Variants in RSPO3 observed in about 807,000 individuals in gnomAD.
The protein encoded by RSPO3 is R-spondin-3.
RSPO3 carries 17 observed loss-of-function variants against 36.5 expected under a neutral mutation model. The observed-to-expected ratio is 0.47, with a 90% CI of 0.32 to 0.70. The LOEUF is 0.70. Among genes scored for constraint, RSPO3 ranks in the 30% least tolerant of loss-of-function variants. The pLI, the probability that RSPO3 is intolerant of heterozygous loss-of-function variation, is 0.04. For synonymous variants in RSPO3, 108 were observed against 107.0 expected (o/e 1.01, Z -0.06); for missense variants, 294 against 322.5 (o/e 0.91, Z 0.68).
intron 4 of RSPO3, among the ~76,000 whole-genome samples, chr6:127,182,109 C>A (rs1490121633): frequency 1.3e-5 from 2 of 151,648 alleles, no homozygotes; most frequent in Non-Finnish European, 2.9e-5. Context: ...AGGTGCCAGG[C>A]TCTTTTTAAC....
intron 1 of RSPO3, 71 bp downstream of exon 1, chr6:127,119,360 G>C (rs1039302243): frequency 1.1e-5 from 12 of 1,134,828 alleles, no homozygotes; most frequent in African/African-American, 3.1e-5. Context: ...TTGCCTGTCC[G>C]GAGCCGGCTC....
intron 4 of RSPO3, among the ~76,000 whole-genome samples, chr6:127,166,813 T>G (rs1774830227): frequency 6.6e-6 from 1 of 152,138 alleles, no homozygotes; most frequent in African/African-American, 2.4e-5. Flanking sequence ...ATGTTATTAG[T>G]CCTTTAAACT....
At chr6:127,136,900 A>G (rs1774169560) in intron 1 of RSPO3, among the ~76,000 whole-genome samples, 1 of 152,166 alleles carries the variant, frequency 6.6e-6, no homozygotes, top group Admixed American at 6.6e-5. Flanking sequence ...GAACTGGCAG[A>G]TCTTTAACGT....
chr6:127,196,114 T>C lies in RSPO3; in HGVS notation c.*107T>C. On this transcript the variant is annotated 3_prime_UTR_variant, in exon 5 of 5. Coordinates refer to ENST00000356698, the MANE Select transcript of RSPO3 (RefSeq NM_032784.5). ...CACAAATGGACATGTCAGTTATTGC[T>C]CTGTCTAAACAACATTCCCAGTAGT... The C allele has an allele frequency of 1.1e-6, 1 of 934,914 alleles. No homozygotes were observed. The highest frequency in any genetic ancestry group is 1.5e-6 in the Non-Finnish European group (1 of 647,962). 57.9% of individuals were successfully genotyped at this position (934,914 alleles called of 1,614,324 possible).
At chr6:127,139,549 T>C (rs1774227652) in intron 1 of RSPO3, among the ~76,000 whole-genome samples, 2 of 151,300 alleles carry the variant, frequency 1.3e-5, no homozygotes, top group Non-Finnish European at 2.9e-5. Context: ...ATATATCTTT[T>C]TTTTAAGGTT....
At chr6:127,167,879 T>TGC (rs1774853768) in intron 4 of RSPO3, among the ~76,000 whole-genome samples, 2 of 151,998 alleles carry the variant, frequency 1.3e-5, no homozygotes, top group Admixed American at 6.6e-5. Flanking sequence ...TTTGTCCTCA[T>TGC]GATAGTTTGC....
chr6:127,179,113 A>G (rs1210143797), intron 4 of RSPO3, among the ~76,000 whole-genome samples: 1 of 151,892 alleles, frequency 6.6e-6, no homozygotes, highest in African/African-American at 2.4e-5. Context: ...TTGTTCACAA[A>G]TTGACAGAAA....
intron 4 of RSPO3, 79 bp downstream of exon 4, chr6:127,155,517 C>T (rs1292006630): frequency 2.3e-6 from 3 of 1,318,976 alleles, no homozygotes; most frequent in African/African-American, 2.9e-5. Context: ...TTATGAAACA[C>T]TTGGCATTAT....
chr6:127,118,721 G>A lies in RSPO3; in HGVS notation c.-472G>A. 1 of 152,336 alleles carries A rather than the reference G, an allele frequency of 6.6e-6. No individual in the cohort carries two copies. The highest frequency in any genetic ancestry group is 1.5e-5 in the Non-Finnish European group (1 of 68,302). The allele number at this position is 152,336 out of a possible 1,614,324, so 9.4% of individuals were successfully genotyped here. On this transcript the variant is annotated 5_prime_UTR_variant, in exon 1 of 5. Transcript: ENST00000356698. ...GCCAGAAGCAGCTCGGGGTCTCTCC[G>A]CCGCCCCTTGGCCATGGCCGCTGTG...
At chr6:127,137,822 A>G (rs1385955656) in intron 1 of RSPO3, among the ~76,000 whole-genome samples, 3 of 151,892 alleles carry the variant, frequency 2.0e-5, no homozygotes, top group Admixed American at 6.6e-5. Context: ...CTGCCTTTTA[A>G]TTTGCGGCAA....
At chr6:127,150,360 T>C in intron 2 of RSPO3, 66 bp from the exon 3 acceptor site, 2 of 1,477,916 alleles carry the variant, frequency 1.4e-6, no homozygotes, top group Non-Finnish European at 9.2e-7. Context: ...GTCTGACACA[T>C]GTAGAACTGG....
At chr6:127,162,012 G>A (rs893917043) in intron 4 of RSPO3, among the ~76,000 whole-genome samples, 3 of 152,128 alleles carry the variant, frequency 2.0e-5, no homozygotes, top group African/African-American at 7.2e-5. Flanking sequence ...TTTGATCTTG[G>A]CTGGGCTCTG....
chr6:127,193,028 G>T (rs951116340), intron 4 of RSPO3, among the ~76,000 whole-genome samples: 1 of 152,072 alleles, frequency 6.6e-6, no homozygotes, highest in African/African-American at 2.4e-5. Context: ...TATGCAAAGG[G>T]TAGTTAGCAT....
At chr6:127,179,562 T>C (rs1158081086) in intron 4 of RSPO3, among the ~76,000 whole-genome samples, 2 of 151,902 alleles carry the variant, frequency 1.3e-5, no homozygotes, top group East Asian at 1.9e-4. Context: ...AACTGAAATA[T>C]AAGAAAACCA....
rs900094650 is a variant in RSPO3 at position 127,197,196 on chromosome 6, A to G, written c.*1189A>G. 1.2e-5 allele frequency: 6 copies of G among 481,710 alleles called. No individual in the cohort carries two copies. Among genetic ancestry groups the G allele is most frequent in the African/African-American group, 1.2e-4 (6 of 51,586 alleles). The allele number at this position is 481,710 out of a possible 1,614,324, so 29.8% of individuals were successfully genotyped here. Reference sequence around the variant, plus strand: ...TCAGTAATATTTGTTTTTTGAATCCACCTTTATCTGAGCCAATGGAGATTT... The same window carrying G: ...TCAGTAATATTTGTTTTTTGAATCCGCCTTTATCTGAGCCAATGGAGATTT... On this transcript the variant is annotated 3_prime_UTR_variant, in exon 5 of 5. Transcript: ENST00000356698.
At chr6:127,132,037 T>C (rs1774069347) in intron 1 of RSPO3, among the ~76,000 whole-genome samples, 1 of 152,140 alleles carries the variant, frequency 6.6e-6, no homozygotes, top group Non-Finnish European at 1.5e-5. Flanking sequence ...AAACCCTTCA[T>C]ATTCTAGCAG....
At chr6:127,192,120 G>A (rs1490345574) in intron 4 of RSPO3, among the ~76,000 whole-genome samples, 1 of 152,112 alleles carries the variant, frequency 6.6e-6, no homozygotes, top group Non-Finnish European at 1.5e-5. Flanking sequence ...ATCATTTTCA[G>A]TCTCTCTTCA....
intron 4 of RSPO3, among the ~76,000 whole-genome samples, chr6:127,164,189 T>C (rs955694681): frequency 3.6e-4 from 55 of 152,038 alleles, no homozygotes; most frequent in Non-Finnish European, 1.6e-4. Context: ...GCAGAGGAAT[T>C]GGGGTCCTGA....
intron 3 of RSPO3, among the ~76,000 whole-genome samples, chr6:127,153,808 C>T (rs1774537667): frequency 1.3e-5 from 2 of 151,904 alleles, no homozygotes; most frequent in African/African-American, 4.8e-5. Context: ...TTTGGAGGTG[C>T]CTTTTTTTGT....
Sources: gnomAD v4.1 joint callset for allele counts (sites outside exome capture counted in the v4.1 genomes callset) on GRCh38, gnomAD v4.1.1 for gene constraint, MANE v1.5 for transcripts, NCBI Gene and HGNC (gene_info 2026-07-23, HGNC 2026-07-21) for gene names.